Variants in ULK4 observed in about 807,000 individuals in gnomAD.
The protein encoded by ULK4 is inactive serine/threonine-protein kinase ULK4.
In ULK4, 133 loss-of-function variants were observed where a neutral mutation model predicts 160.6. That is an observed-to-expected ratio of 0.83 (90% CI 0.72 to 0.96). The LOEUF (loss-of-function observed/expected upper bound fraction) is 0.96, where lower values mean the gene tolerates loss of function less well. Among genes scored for constraint, ULK4 ranks in the 40% least tolerant of loss-of-function variants. The pLI, the probability that ULK4 is intolerant of heterozygous loss-of-function variation, is 0.00. For synonymous variants in ULK4, 534 were observed against 539.8 expected (o/e 0.99, Z 0.15); for missense variants, 1,580 against 1,499.5 (o/e 1.05, Z -0.89).
chr3:41,954,888 TTA>T, intron 1 of ULK4, 81 bp from the exon 2 acceptor site: 1 of 877,358 alleles, frequency 1.1e-6, no homozygotes. Context: ...GCCTAGGATA[TTA>T]TATGTGTAAA....
intron 30 of ULK4, among the ~76,000 whole-genome samples, chr3:41,635,733 T>A (rs956033250): frequency 2.6e-5 from 4 of 152,190 alleles, no homozygotes; most frequent in Non-Finnish European, 5.9e-5. Context: ...AGCCATAGAT[T>A]GGTGAAGCAA....
At chr3:41,479,840 A>G (rs753306737) in intron 32 of ULK4, among the ~76,000 whole-genome samples, 6 of 152,280 alleles carry the variant, frequency 3.9e-5, no homozygotes, top group Non-Finnish European at 8.8e-5. Context: ...TTATAGACAA[A>G]TTCCTATTTT....
intron 22 of ULK4, among the ~76,000 whole-genome samples, chr3:41,723,374 C>T (rs1424471844): frequency 6.6e-6 from 1 of 151,848 alleles, no homozygotes; most frequent in Non-Finnish European, 1.5e-5. Flanking sequence ...CCTCTTTGTC[C>T]CCTTCTTTAT....
intron 32 of ULK4, among the ~76,000 whole-genome samples, chr3:41,484,077 C>T (rs1436788468): frequency 4.6e-5 from 7 of 152,096 alleles, no homozygotes; most frequent in African/African-American, 1.4e-4. Flanking sequence ...AAGTAGCGAA[C>T]ATAATTTCTT....
intron 21 of ULK4, among the ~76,000 whole-genome samples, chr3:41,775,222 A>G (rs1274792421): frequency 6.6e-6 from 1 of 150,648 alleles, no homozygotes; most frequent in Non-Finnish European, 1.5e-5. Context: ...TAATAATAAT[A>G]AAAGTAATAA....
At chr3:41,356,853 G>A (rs949441760) in intron 35 of ULK4, among the ~76,000 whole-genome samples, 3 of 152,076 alleles carry the variant, frequency 2.0e-5, no homozygotes, top group African/African-American at 7.2e-5. Context: ...CTGAGAAGTG[G>A]GGTGCAAGGA....
At chr3:41,252,672 A>G (rs767659301) in intron 35 of ULK4, among the ~76,000 whole-genome samples, 1 of 152,012 alleles carries the variant, frequency 6.6e-6, no homozygotes, top group African/African-American at 2.4e-5. Context: ...CTATGAGACA[A>G]TAGCAATAAG....
At chr3:41,849,136 A>G (rs758615926) in intron 17 of ULK4, among the ~76,000 whole-genome samples, 2 of 152,176 alleles carry the variant, frequency 1.3e-5, no homozygotes, top group Non-Finnish European at 2.9e-5. Context: ...ACCCTCTGAG[A>G]TTTTGATGGT....
At chr3:41,831,438 T>C (rs1021422058) in intron 18 of ULK4, among the ~76,000 whole-genome samples, 5 of 147,676 alleles carry the variant, frequency 3.4e-5, no homozygotes, top group Admixed American at 6.7e-5. Flanking sequence ...TTTTTAATGG[T>C]GGTATCATCA....
chr3:41,568,327 T>C (rs2087855401), intron 31 of ULK4, among the ~76,000 whole-genome samples: 1 of 152,212 alleles, frequency 6.6e-6, no homozygotes, highest in Non-Finnish European at 1.5e-5. Flanking sequence ...AAGCAAAGCA[T>C]AGCTCCTTCA....
intron 25 of ULK4, among the ~76,000 whole-genome samples, chr3:41,708,735 T>A (rs1411316799): frequency 6.6e-6 from 1 of 152,170 alleles, no homozygotes; most frequent in Non-Finnish European, 1.5e-5. Flanking sequence ...GTAATAGATT[T>A]CAAGTTTTCT....
chr3:41,828,984 T>C (rs2041471635), intron 18 of ULK4, among the ~76,000 whole-genome samples: 4 of 150,884 alleles, frequency 2.7e-5, no homozygotes, highest in Admixed American at 2.6e-4. Flanking sequence ...CCCTCAGAAA[T>C]AATGCCACAT....
chr3:41,536,169 T>C lies in ULK4; in HGVS notation c.3226+29856A>G, dbSNP rs144149899. Among the ~76,000 whole-genome samples the C allele has an allele frequency of 1.6e-3, 250 of 152,288 alleles. 1 individual carries two copies. Among genetic ancestry groups the C allele is most frequent in the African/African-American group, 5.7e-3 (237 of 41,570 alleles). ...CCTCAGATTGTCAACCTCTTTTCTA[T>C]ATATGTTCCTTTTACCTTCCCAGTC... On this transcript the variant is annotated intron_variant, in intron 32 of 36. Transcript: ENST00000301831.
chr3:41,853,931 T>C (rs1575830695), intron 17 of ULK4, among the ~76,000 whole-genome samples: 1 of 152,176 alleles, frequency 6.6e-6, no homozygotes, highest in Non-Finnish European at 1.5e-5. Context: ...CCCCCCTTCA[T>C]GAATATTCAC....
intron 21 of ULK4, among the ~76,000 whole-genome samples, chr3:41,788,295 CAGA>C (rs1575709526): frequency 2.0e-5 from 3 of 152,118 alleles, no homozygotes; most frequent in African/African-American, 7.2e-5. Flanking sequence ...TCATTTAAAG[CAGA>C]AGAAGCATGG....
chr3:41,766,419 T>C lies in ULK4; in HGVS notation c.2194-11931A>G, dbSNP rs369925165. On this transcript the variant is annotated intron_variant, in intron 21 of 36. Coordinates refer to ENST00000301831, the MANE Select transcript of ULK4 (RefSeq NM_017886.4). ...GGAAGATATTATTGGATTTATTTTA[T>C]AGATGAGGAAACAGAAGCCTCAGGA... Among the ~76,000 whole-genome samples, 29 of 152,364 alleles carry C rather than the reference T, an allele frequency of 1.9e-4. No individual in the cohort carries two copies. The South Asian group carries it at 3.9e-3, about 21-fold the overall frequency.
rs531485180 is a variant in ULK4, at chr3:41,565,220, C to T, written c.3226+805G>A. Among the ~76,000 whole-genome samples, 5 of 152,280 alleles carry T rather than the reference C, an allele frequency of 3.3e-5. No individual in the cohort carries two copies. The East Asian group carries it at 5.8e-4, about 18-fold the overall frequency. On this transcript the variant is annotated intron_variant, in intron 32 of 36. Coordinates refer to ENST00000301831, the MANE Select transcript of ULK4 (RefSeq NM_017886.4). ...ATCTCAGAACAGATTGCCGTAGTTA[C>T]GTAATGCATGACTGTACATGATTTT...
At chr3:41,632,507 C>A (rs576189378) in intron 30 of ULK4, among the ~76,000 whole-genome samples, 1 of 151,860 alleles carries the variant, frequency 6.6e-6, no homozygotes, top group Non-Finnish European at 1.5e-5. Flanking sequence ...ATGCACTGGG[C>A]CAAATGAGAG....
intron 31 of ULK4, among the ~76,000 whole-genome samples, chr3:41,607,894 C>T (rs1457135070): frequency 6.6e-6 from 1 of 152,104 alleles, no homozygotes; most frequent in Non-Finnish European, 1.5e-5. Flanking sequence ...ATATTCAATA[C>T]GGTCCCATTT....
Sources: allele counts gnomAD v4.1 joint callset (sites outside exome capture counted in the v4.1 genomes callset), GRCh38; gene constraint gnomAD v4.1.1; transcripts MANE v1.5; gene names NCBI Gene and HGNC (gene_info 2026-07-23, HGNC 2026-07-21).